The following FMN2 variants were observed in gnomAD, a reference collection of about 807,000 sequenced individuals.
FMN2 encodes formin-2.
A neutral mutation model predicts 142.3 loss-of-function variants in FMN2; 51 were observed. The ratio of observed to expected loss-of-function variants is 0.36; its 90% CI spans 0.29 to 0.45. The LOEUF is 0.45. Among genes scored for constraint, FMN2 ranks in the 20% least tolerant of loss-of-function variants. The probability of loss-of-function intolerance (pLI) is 1.00; values close to 1 mark genes in which losing one functional copy is unlikely to be tolerated. For missense variants in FMN2, 1,936 were observed against 2,122.8 expected, an observed-to-expected ratio of 0.91 and a Z score of 1.73; for synonymous variants, 882 against 869.8, an observed-to-expected ratio of 1.01 and a Z score of -0.25.
chr1:240,245,303 G>T (rs1374609989), intron 6 of FMN2: 2 of 357,250 alleles, frequency 5.6e-6, no homozygotes, highest in African/African-American at 2.1e-5. Flanking sequence ...AGAATGCTGG[G>T]CTGAGAGCAG....
At chr1:240,283,336 T>C (rs1669479662) in intron 7 of FMN2, among the ~76,000 whole-genome samples, 1 of 152,192 alleles carries the variant, frequency 6.6e-6, no homozygotes, top group Non-Finnish European at 1.5e-5. Context: ...GCAGTTCCTC[T>C]CCTCATTACT....
At chr1:240,373,298 G>T (rs2103072008) in intron 14 of FMN2, among the ~76,000 whole-genome samples, 1 of 152,260 alleles carries the variant, frequency 6.6e-6, no homozygotes, top group Admixed American at 6.5e-5. Context: ...TCAGGGTGGT[G>T]GTTGCTGAAT....
intron 6 of FMN2, among the ~76,000 whole-genome samples, chr1:240,251,036 CTTTAT>C (rs1473754508): frequency 6.6e-6 from 1 of 151,676 alleles, no homozygotes; most frequent in East Asian, 1.9e-4. Flanking sequence ...ATAAAACTAA[CTTTAT>C]TTTGTTGATT....
intron 2 of FMN2, among the ~76,000 whole-genome samples, chr1:240,151,927 A>T (rs982066360): frequency 6.6e-6 from 1 of 151,892 alleles, no homozygotes; most frequent in African/African-American, 2.4e-5. Flanking sequence ...CCACCTAGCC[A>T]ATCTAATTTT....
chr1:240,186,936 C>G (rs571730207), intron 3 of FMN2, among the ~76,000 whole-genome samples: 1 of 152,068 alleles, frequency 6.6e-6, no homozygotes, highest in South Asian at 2.1e-4. Flanking sequence ...ATATCAGCTA[C>G]CATGTGGCTA....
In FMN2 at chr1:240,264,535, C is replaced by T. The variant is rs750540340; in HGVS notation, c.4153+6503C>T. Among the ~76,000 whole-genome samples the T allele has an allele frequency of 6.6e-5, 10 of 152,132 alleles. No homozygotes were observed. In the East Asian group the frequency reaches 7.8e-4, roughly 12 times the overall value. Reference sequence around the variant, plus strand: ...TCCTAATACTATCCCTCCCTTTGCCCCCTACCCCCTGACAGGTCTTGGTGT... The same window carrying T: ...TCCTAATACTATCCCTCCCTTTGCCTCCTACCCCCTGACAGGTCTTGGTGT... On this transcript the variant is annotated intron_variant, in intron 7 of 17. Transcript: ENST00000319653.
chr1:240,118,637 A>T (rs1662116250), intron 1 of FMN2, among the ~76,000 whole-genome samples: 1 of 152,130 alleles, frequency 6.6e-6, no homozygotes. Context: ...ACGGTTCCTG[A>T]TAGTGACCAA....
chr1:240,293,475 A>C (rs1669861050), intron 7 of FMN2, among the ~76,000 whole-genome samples: 1 of 152,152 alleles, frequency 6.6e-6, no homozygotes, highest in Non-Finnish European at 1.5e-5. Flanking sequence ...TCCATACATA[A>C]ATTTACTGTT....
chr1:240,124,637 G>A (rs1662425044), intron 2 of FMN2, among the ~76,000 whole-genome samples: 1 of 152,010 alleles, frequency 6.6e-6, no homozygotes, highest in Admixed American at 6.6e-5. Context: ...GCTCACTTGT[G>A]CAGAGCCCAG....
chr1:240,341,898 G>A (rs1671757760), intron 13 of FMN2, among the ~76,000 whole-genome samples: 1 of 152,212 alleles, frequency 6.6e-6, no homozygotes, highest in Non-Finnish European at 1.5e-5. Flanking sequence ...CAGGCATAGA[G>A]TTGCATGTGG....
chr1:240,354,693 C>A (rs896101115), intron 13 of FMN2, among the ~76,000 whole-genome samples: 10 of 152,070 alleles, frequency 6.6e-5, no homozygotes, highest in Admixed American at 4.6e-4. Context: ...TCCTAGATTC[C>A]CATGCTTAGA....
chr1:240,335,617 AC>A (rs1336333525), intron 13 of FMN2, among the ~76,000 whole-genome samples: 1 of 152,158 alleles, frequency 6.6e-6, no homozygotes, highest in Non-Finnish European at 1.5e-5. Context: ...TTCATAGTTT[AC>A]AGGTGATTTG....
intron 6 of FMN2, among the ~76,000 whole-genome samples, chr1:240,257,112 C>G (rs574266783): frequency 6.6e-6 from 1 of 152,272 alleles, no homozygotes; most frequent in East Asian, 1.9e-4. Flanking sequence ...GAAAATGCTG[C>G]CCCTCACACG....
intron 8 of FMN2, among the ~76,000 whole-genome samples, chr1:240,312,372 A>G (rs1269782540): frequency 6.6e-6 from 1 of 152,128 alleles, no homozygotes; most frequent in Non-Finnish European, 1.5e-5. Flanking sequence ...CTTTGTATCA[A>G]ATCCTTCCAT....
chr1:240,343,008 G>A (rs1215091966), intron 13 of FMN2, among the ~76,000 whole-genome samples: 2 of 152,104 alleles, frequency 1.3e-5, no homozygotes, highest in African/African-American at 4.8e-5. Flanking sequence ...GAAAGAGCAT[G>A]AGCAAAGTTA....
chr1:240,291,240 A>C (rs1413505134), intron 7 of FMN2, among the ~76,000 whole-genome samples: 2 of 152,204 alleles, frequency 1.3e-5, no homozygotes, highest in Non-Finnish European at 2.9e-5. Context: ...TGTGCAAAAA[A>C]GGTCTATAGT....
At chr1:240,380,782 A>G (rs908060225) in intron 14 of FMN2, among the ~76,000 whole-genome samples, 1 of 151,956 alleles carries the variant, frequency 6.6e-6, no homozygotes, top group Non-Finnish European at 1.5e-5. Flanking sequence ...AAAAAAAATG[A>G]TAAAGGATCA....
At chr1:240,111,409 C>G (rs181953326) in intron 1 of FMN2, among the ~76,000 whole-genome samples, 2 of 152,214 alleles carry the variant, frequency 1.3e-5, no homozygotes, top group East Asian at 1.9e-4. Context: ...AGAGCAGCCC[C>G]GAGGGCTGCT....
At chr1:240,167,302 G>T (rs530471740) in intron 2 of FMN2, among the ~76,000 whole-genome samples, 1 of 151,558 alleles carries the variant, frequency 6.6e-6, no homozygotes, top group Non-Finnish European at 1.5e-5. Context: ...TATTTTGGGT[G>T]GGGGGGACAG....
Sources: gnomAD v4.1 joint callset for allele counts (sites outside exome capture counted in the v4.1 genomes callset) on GRCh38, gnomAD v4.1.1 for gene constraint, MANE v1.5 for transcripts, NCBI Gene and HGNC (gene_info 2026-07-23, HGNC 2026-07-21) for gene names.